ANO6: variants seen among roughly 807,000 people sequenced by gnomAD.
ANO6 encodes the protein anoctamin 6.
In ANO6, 106 loss-of-function variants were observed where a neutral mutation model predicts 117.5. The observed-to-expected ratio is 0.90, with a 90% CI of 0.77 to 1.06. The LOEUF is 1.06. Among genes scored for constraint, ANO6 ranks in the 50% least tolerant of loss-of-function variants. The pLI, the probability that ANO6 is intolerant of heterozygous loss-of-function variation, is 0.00. For missense variants in ANO6, 955 were observed against 1,121.1 expected (o/e 0.85, Z 2.12); for synonymous variants, 367 against 385.1 (o/e 0.95, Z 0.55).
At position 45,418,467 on chromosome 12, in the gene ANO6, A is replaced by G. The variant is rs144359022; in HGVS notation, c.2217+1563A>G. Among the ~76,000 whole-genome samples, 26 of 152,342 alleles carry G rather than the reference A, an allele frequency of 1.7e-4. No homozygotes were observed. In the East Asian group the frequency reaches 4.6e-3, roughly 27 times the overall value. On this transcript the variant is annotated intron_variant, in intron 17 of 19. Coordinates refer to ENST00000320560, the MANE Select transcript of ANO6 (RefSeq NM_001025356.3). ...GTTCCTCAGTCATAAAACAATGAACATGACAGCACGTTCAATATGCTCTAG... is the reference window on the plus strand; with the variant it reads ...GTTCCTCAGTCATAAAACAATGAACGTGACAGCACGTTCAATATGCTCTAG...
intron 1 of ANO6, among the ~76,000 whole-genome samples, chr12:45,242,649 C>G (rs1189889495): frequency 6.6e-6 from 1 of 152,214 alleles, no homozygotes; most frequent in Non-Finnish European, 1.5e-5. Flanking sequence ...CACCCATCTT[C>G]TGCATCGATC....
intron 1 of ANO6, among the ~76,000 whole-genome samples, chr12:45,238,009 GA>G (rs1947673781): frequency 6.6e-6 from 1 of 152,152 alleles, no homozygotes; most frequent in African/African-American, 2.4e-5. Context: ...GTTCACTCAT[GA>G]TTTGGCTCTC....
At chr12:45,255,838 T>TTTTTTTTTTTTTTTTTTTG (rs1937803143) in intron 1 of ANO6, among the ~76,000 whole-genome samples, 1 of 106,624 alleles carries the variant, frequency 9.4e-6, no homozygotes, top group South Asian at 3.2e-4. Context: ...TTTTTTTTTT[T>TTTTTTTTTTTTTTTTTTTG]GAGACTGAAT....
At chr12:45,355,460 G>A (rs899248030) in intron 7 of ANO6, among the ~76,000 whole-genome samples, 1 of 152,064 alleles carries the variant, frequency 6.6e-6, no homozygotes, top group Non-Finnish European at 1.5e-5. Context: ...ATTATTGGGA[G>A]CTTGGACCAG....
chr12:45,389,290 A>G (rs1201322635), intron 11 of ANO6, among the ~76,000 whole-genome samples: 5 of 152,208 alleles, frequency 3.3e-5, no homozygotes, highest in Non-Finnish European at 7.4e-5. Flanking sequence ...AATAATCCCC[A>G]TTATGAATAG....
intron 17 of ANO6, among the ~76,000 whole-genome samples, chr12:45,419,912 TA>T (rs1283473189): frequency 6.6e-6 from 1 of 151,158 alleles, no homozygotes; most frequent in Non-Finnish European, 1.5e-5. Flanking sequence ...AGGAACATAC[TA>T]AATTTTCTGT....
chr12:45,392,010 G>T (rs1440747451), intron 12 of ANO6, among the ~76,000 whole-genome samples: 2 of 152,220 alleles, frequency 1.3e-5, no homozygotes, highest in Non-Finnish European at 2.9e-5. Flanking sequence ...TGTACAGTGG[G>T]TGCTGCCCAC....
intron 4 of ANO6, among the ~76,000 whole-genome samples, chr12:45,347,711 G>A (rs970750166): frequency 6.6e-6 from 1 of 152,122 alleles, no homozygotes; most frequent in Admixed American, 6.5e-5. Context: ...GAATATTCTA[G>A]TGTTTTTACT....
At chr12:45,353,441 T>C (rs1204358629) in intron 7 of ANO6, among the ~76,000 whole-genome samples, 1 of 152,198 alleles carries the variant, frequency 6.6e-6, no homozygotes, top group Admixed American at 6.5e-5. Flanking sequence ...GAGTGATGGG[T>C]TCTTAATCAT....
chr12:45,347,226 A>C, intron 4 of ANO6, 139 bp downstream of exon 4: 2 of 787,520 alleles, frequency 2.5e-6, no homozygotes, highest in Non-Finnish European at 4.4e-6. Context: ...AGTCAATCAA[A>C]ATCTGCATTG....
chr12:45,328,934 C>A (rs941393602), intron 2 of ANO6, among the ~76,000 whole-genome samples: 3 of 152,154 alleles, frequency 2.0e-5, no homozygotes, highest in Non-Finnish European at 4.4e-5. Flanking sequence ...GTAAACCTTT[C>A]TTGCATCCTG....
intron 19 of ANO6, among the ~76,000 whole-genome samples, chr12:45,425,444 A>G (rs545812459): frequency 6.6e-6 from 1 of 152,378 alleles, no homozygotes; most frequent in South Asian, 2.1e-4. Flanking sequence ...ACATATTGCA[A>G]GGAAAATGCG....
intron 2 of ANO6, 82 bp downstream of exon 2, chr12:45,302,175 A>G: frequency 8.0e-7 from 1 of 1,253,266 alleles, no homozygotes; most frequent in Admixed American, 1.7e-5. Context: ...TCTTTTATGA[A>G]TTCATTCCTT....
intron 1 of ANO6, among the ~76,000 whole-genome samples, chr12:45,229,827 T>G (rs1483976102): frequency 6.6e-6 from 1 of 152,106 alleles, no homozygotes; most frequent in Non-Finnish European, 1.5e-5. Flanking sequence ...GGCCTAGACA[T>G]TCATCAGCCA....
chr12:45,230,758 A>G (rs1947562371), intron 1 of ANO6, among the ~76,000 whole-genome samples: 1 of 152,200 alleles, frequency 6.6e-6, no homozygotes, highest in East Asian at 1.9e-4. Context: ...GTCTTGTATT[A>G]AGGTCTAAAA....
intron 1 of ANO6, among the ~76,000 whole-genome samples, chr12:45,255,860 G>T (rs931292277): frequency 2.2e-4 from 27 of 124,998 alleles, no homozygotes; most frequent in African/African-American, 2.9e-4. Flanking sequence ...TCGCCCATTC[G>T]CACAGGCCAG....
intron 2 of ANO6, among the ~76,000 whole-genome samples, chr12:45,323,211 C>T (rs1335153114): frequency 2.6e-5 from 4 of 152,170 alleles, no homozygotes; most frequent in Non-Finnish European, 4.4e-5. Context: ...TCCTCTTTAT[C>T]ACACTTTACT....
At chr12:45,433,171 T>A (rs1412475745), downstream of ANO6, among the ~76,000 whole-genome samples, 1 of 152,192 alleles carries the variant, frequency 6.6e-6, no homozygotes, top group Admixed American at 6.5e-5. Flanking sequence ...CCGCTTCTAG[T>A]TAGCTACCTA....
intron 10 of ANO6, 78 bp downstream of exon 10, chr12:45,378,191 C>T (rs1444578246): frequency 7.2e-7 from 1 of 1,391,698 alleles, no homozygotes; most frequent in African/African-American, 1.5e-5. Context: ...AAGTAACCCA[C>T]TTTTAGGATC....
Sources: allele counts gnomAD v4.1 joint callset (sites outside exome capture counted in the v4.1 genomes callset), GRCh38; gene constraint gnomAD v4.1.1; transcripts MANE v1.5; gene names NCBI Gene and HGNC (gene_info 2026-07-23, HGNC 2026-07-21).